CAMKMT: variants seen among roughly 807,000 people sequenced by gnomAD.
CAMKMT encodes the protein CaM KMT.
In CAMKMT, 53 loss-of-function variants were observed where a neutral mutation model predicts 48.0. The ratio of observed to expected loss-of-function variants is 1.10; its 90% CI spans 0.89 to 1.39. The LOEUF (loss-of-function observed/expected upper bound fraction) is 1.39, where lower values mean the gene tolerates loss of function less well. Among genes scored for constraint, CAMKMT ranks in the 40% most tolerant of loss-of-function variants. The pLI is 0.00. For synonymous variants in CAMKMT, 165 were observed against 152.3 expected (o/e 1.08, Z -0.61); for missense variants, 428 against 402.7 (o/e 1.06, Z -0.54).
chr2:44,721,498 C>T (rs775303985), intron 7 of CAMKMT, among the ~76,000 whole-genome samples: 2 of 152,100 alleles, frequency 1.3e-5, no homozygotes, highest in Non-Finnish European at 2.9e-5. Flanking sequence ...TAATATGCTT[C>T]TGTGTTCTAA....
chr2:44,435,585 G>A (rs1430774630), intron 3 of CAMKMT, among the ~76,000 whole-genome samples: 2 of 152,200 alleles, frequency 1.3e-5, no homozygotes, highest in African/African-American at 4.8e-5. Context: ...TGATCCGAGT[G>A]AATCAAAAAT....
At chr2:44,727,184 C>T (rs955106225) in intron 7 of CAMKMT, among the ~76,000 whole-genome samples, 1 of 152,184 alleles carries the variant, frequency 6.6e-6, no homozygotes. Flanking sequence ...ATAGGAATGG[C>T]CTTGAACCTG....
chr2:44,625,393 T>C (rs7572887), intron 3 of CAMKMT, among the ~76,000 whole-genome samples: 4,189 of 152,252 alleles, frequency 0.028, 189 homozygotes, highest in African/African-American at 0.095. Context: ...CAAATACATT[T>C]AATAAATACA....
At chr2:44,634,615 G>C (rs1673015268) in intron 3 of CAMKMT, among the ~76,000 whole-genome samples, 1 of 151,926 alleles carries the variant, frequency 6.6e-6, no homozygotes, top group Non-Finnish European at 1.5e-5. Context: ...GGGATACAAA[G>C]GAATAACTCT....
At position 44,604,739 on chromosome 2, in the gene CAMKMT, C is replaced by G. The variant is rs529559589; in HGVS notation, c.377-99544C>G. On this transcript the variant is annotated intron_variant, in intron 3 of 10. Coordinates refer to ENST00000378494, the MANE Select transcript of CAMKMT (RefSeq NM_024766.5). ...ACTCTATGCTTAGAAGTTCAGGTTG[C>G]CTTGTTGCTGAGGGTGCTTATACTA... 5.3e-5 allele frequency among the ~76,000 whole-genome samples: 8 copies of G among 152,064 alleles called. No homozygotes were observed. The East Asian group carries it at 1.5e-3, about 29-fold the overall frequency.
intron 3 of CAMKMT, among the ~76,000 whole-genome samples, chr2:44,591,567 G>T (rs1429313423): frequency 6.6e-6 from 1 of 152,140 alleles, no homozygotes; most frequent in African/African-American, 2.4e-5. Context: ...TCTGTTATTG[G>T]TGCTGGAGAG....
chr2:44,712,166 TA>T (rs761304719), intron 6 of CAMKMT, among the ~76,000 whole-genome samples: 134 of 148,100 alleles, frequency 9.0e-4, no homozygotes, highest in Middle Eastern at 3.4e-3. Context: ...CATTAAGCAT[TA>T]AAAAAAAAAC....
At chr2:44,643,530 C>A (rs1335348762) in intron 3 of CAMKMT, among the ~76,000 whole-genome samples, 1 of 152,078 alleles carries the variant, frequency 6.6e-6, no homozygotes, top group Non-Finnish European at 1.5e-5. Flanking sequence ...GATGAGTTTT[C>A]TAGCTAAAGG....
At chr2:44,400,943 T>C (rs1306392897) in intron 3 of CAMKMT, 1 of 118,974 alleles carries the variant, frequency 8.4e-6, no homozygotes, top group Admixed American at 8.1e-5. Flanking sequence ...TATATATATA[T>C]ATATATATAT....
intron 1 of CAMKMT, among the ~76,000 whole-genome samples, chr2:44,367,276 T>A (rs1384805159): frequency 6.6e-6 from 1 of 152,140 alleles, no homozygotes; most frequent in African/African-American, 2.4e-5. Flanking sequence ...TAAGTATCCC[T>A]AATACAAAAA....
chr2:44,585,859 A>G (rs920273457), intron 3 of CAMKMT, among the ~76,000 whole-genome samples: 1 of 152,198 alleles, frequency 6.6e-6, no homozygotes, highest in Admixed American at 6.5e-5. Flanking sequence ...TTTATAAACA[A>G]TGCATAATTT....
At chr2:44,742,235 C>T (rs1573213447) in intron 7 of CAMKMT, among the ~76,000 whole-genome samples, 1 of 152,148 alleles carries the variant, frequency 6.6e-6, no homozygotes, top group Non-Finnish European at 1.5e-5. Flanking sequence ...CTGAGAAATC[C>T]GTAAACAACG....
chr2:44,753,965 A>G, intron 8 of CAMKMT, 90 bp from the exon 9 acceptor site: 1 of 853,512 alleles, frequency 1.2e-6, no homozygotes, highest in South Asian at 1.5e-5. Flanking sequence ...TTGGGTAAAC[A>G]TGTGTAATTA....
intron 2 of CAMKMT, among the ~76,000 whole-genome samples, chr2:44,375,195 A>G (rs1410311985): frequency 6.6e-6 from 1 of 151,712 alleles, no homozygotes; most frequent in East Asian, 1.9e-4. Context: ...TTGTTTTTTA[A>G]TATTACTTGG....
At chr2:44,553,306 G>GTT (rs983511905) in intron 3 of CAMKMT, among the ~76,000 whole-genome samples, 3 of 150,198 alleles carry the variant, frequency 2.0e-5, no homozygotes, top group African/African-American at 7.3e-5. Flanking sequence ...TTTAATCTCT[G>GTT]TTATATATAG....
chr2:44,548,917 A>G (rs1275934263), intron 3 of CAMKMT, among the ~76,000 whole-genome samples: 2 of 152,208 alleles, frequency 1.3e-5, no homozygotes. Flanking sequence ...CTGAGCAGAA[A>G]ACTCAACCAT....
intron 3 of CAMKMT, among the ~76,000 whole-genome samples, chr2:44,435,096 T>C (rs1046562170): frequency 3.3e-5 from 5 of 152,178 alleles, no homozygotes; most frequent in African/African-American, 1.2e-4. Flanking sequence ...TAACATTGGT[T>C]TATTATTTTG....
chr2:44,615,768 A>C (rs1671856040), intron 3 of CAMKMT, among the ~76,000 whole-genome samples: 1 of 152,184 alleles, frequency 6.6e-6, no homozygotes, highest in African/African-American at 2.4e-5. Context: ...GAATGAGAAT[A>C]ATAGGGGGAC....
intron 3 of CAMKMT, among the ~76,000 whole-genome samples, chr2:44,419,611 G>A (rs750092075): frequency 3.3e-5 from 5 of 152,164 alleles, no homozygotes; most frequent in Non-Finnish European, 5.9e-5. Flanking sequence ...AGACAGTCTC[G>A]CTCTGTCACC....
Sources: allele counts gnomAD v4.1 joint callset (sites outside exome capture counted in the v4.1 genomes callset), GRCh38; gene constraint gnomAD v4.1.1; transcripts MANE v1.5; gene names NCBI Gene and HGNC (gene_info 2026-07-23, HGNC 2026-07-21).